Variants in DPYD observed in about 807,000 individuals in gnomAD.
The protein encoded by DPYD is dihydropyrimidine dehydrogenase [NADP(+)].
A neutral mutation model predicts 116.2 loss-of-function variants in DPYD; 109 were observed. The observed-to-expected ratio is 0.94, with a 90% CI of 0.80 to 1.10. DPYD has a LOEUF of 1.10. Among genes scored for constraint, DPYD ranks in the 50% least tolerant of loss-of-function variants. DPYD has a pLI of 0.00. For missense variants in DPYD, 1,302 were observed against 1,254.5 expected (o/e 1.04, Z -0.57); for synonymous variants, 440 against 432.0 (o/e 1.02, Z -0.23).
At chr1:97,764,062 A>C (rs553377339) in intron 3 of DPYD, among the ~76,000 whole-genome samples, 1 of 152,204 alleles carries the variant, frequency 6.6e-6, no homozygotes, top group South Asian at 2.1e-4. Context: ...TGTGGTGAGA[A>C]GGATGGCATG....
chr1:97,883,164 G>C (rs1254450373), intron 2 of DPYD, 100 bp downstream of exon 2: 2 of 740,454 alleles, frequency 2.7e-6, no homozygotes, highest in African/African-American at 3.5e-5. Flanking sequence ...AATCACGGCT[G>C]TACTTTAATA....
At chr1:97,219,013 T>A (rs567559468) in intron 19 of DPYD, among the ~76,000 whole-genome samples, 2 of 152,296 alleles carry the variant, frequency 1.3e-5, no homozygotes, top group East Asian at 3.9e-4. Context: ...TAAATTTGTT[T>A]TGAACCCTTT....
chr1:97,844,779 T>G (rs2101545517), intron 2 of DPYD, among the ~76,000 whole-genome samples: 1 of 152,310 alleles, frequency 6.6e-6, no homozygotes, highest in Admixed American at 6.5e-5. Context: ...GCTCCAGACC[T>G]GGGCAACCCT....
intron 2 of DPYD, among the ~76,000 whole-genome samples, chr1:97,848,042 T>C (rs1176345445): frequency 6.6e-6 from 1 of 152,224 alleles, no homozygotes; most frequent in African/African-American, 2.4e-5. Context: ...ATTTAAAATA[T>C]TAAAATATTC....
chr1:97,640,735 C>T (rs964857255), intron 8 of DPYD, among the ~76,000 whole-genome samples: 1 of 152,096 alleles, frequency 6.6e-6, no homozygotes, highest in Non-Finnish European at 1.5e-5. Context: ...CTGAGTTTTC[C>T]ACAACTGCTA....
intron 16 of DPYD, among the ~76,000 whole-genome samples, chr1:97,342,904 A>G (rs975630509): frequency 6.6e-6 from 1 of 152,108 alleles, no homozygotes; most frequent in African/African-American, 2.4e-5. Flanking sequence ...TGAGAAGAAC[A>G]ATTCAATTTA....
chr1:97,661,125 A>C (rs1659230807), intron 8 of DPYD, among the ~76,000 whole-genome samples: 1 of 152,200 alleles, frequency 6.6e-6, no homozygotes, highest in Non-Finnish European at 1.5e-5. Flanking sequence ...TAGAGGAGAA[A>C]TAATTTAGCA....
intron 8 of DPYD, among the ~76,000 whole-genome samples, chr1:97,617,091 G>A (rs1183660954): frequency 1.3e-5 from 2 of 152,210 alleles, no homozygotes; most frequent in African/African-American, 4.8e-5. Flanking sequence ...AGTCCAAGCT[G>A]CTAGGAAAAT....
rs188597648 is a variant in DPYD, at chr1:97,107,367, G to A, written c.2623-8735C>T. ...AAAGCAATGTTGGTGGACAACCTGG[G>A]AAGGGTAAAATGACTTAGTTTTACT... On this transcript the variant is annotated intron_variant, in intron 20 of 22. Coordinates refer to ENST00000370192, the MANE Select transcript of DPYD (RefSeq NM_000110.4). Among the ~76,000 whole-genome samples the A allele has an allele frequency of 3.1e-3, 465 of 152,216 alleles. 2 individuals are homozygous for A. Among genetic ancestry groups the A allele is most frequent in the Non-Finnish European group, 5.3e-3 (362 of 67,996 alleles).
At chr1:97,586,473 T>C (rs75879644) in intron 10 of DPYD, among the ~76,000 whole-genome samples, 1,505 of 19,678 alleles carry the variant, frequency 0.076, 10 homozygotes, top group Non-Finnish European at 0.11. Flanking sequence ...TACATATATA[T>C]ATATATATAT....
At chr1:97,692,092 A>G (rs562648398) in intron 6 of DPYD, among the ~76,000 whole-genome samples, 11 of 152,124 alleles carry the variant, frequency 7.2e-5, no homozygotes, top group Admixed American at 2.0e-4. Context: ...TAAGTTCAAT[A>G]AAGTATTTGG....
intron 8 of DPYD, among the ~76,000 whole-genome samples, chr1:97,633,456 A>G (rs1657389574): frequency 6.6e-6 from 1 of 152,100 alleles, no homozygotes; most frequent in Non-Finnish European, 1.5e-5. Flanking sequence ...TTTATTTTAA[A>G]ATGGGAACCT....
At chr1:97,449,439 G>C (rs937298663) in intron 14 of DPYD, among the ~76,000 whole-genome samples, 2 of 152,010 alleles carry the variant, frequency 1.3e-5, no homozygotes, top group African/African-American at 4.8e-5. Context: ...GTGGGAGAGG[G>C]AGGTGGGAGG....
At chr1:97,583,216 G>GC (rs1342917830) in intron 10 of DPYD, among the ~76,000 whole-genome samples, 1 of 152,060 alleles carries the variant, frequency 6.6e-6, no homozygotes, top group Admixed American at 6.5e-5. Flanking sequence ...TGATCCACCC[G>GC]CCCCGGCTTC....
intron 2 of DPYD, among the ~76,000 whole-genome samples, chr1:97,830,707 C>CAA (rs759967010): frequency 5.7e-5 from 6 of 105,730 alleles, no homozygotes; most frequent in East Asian, 2.7e-4. Flanking sequence ...GACTCCATCT[C>CAA]AAAAAAAAAA....
intron 14 of DPYD, among the ~76,000 whole-genome samples, chr1:97,398,820 G>A (rs1673172096): frequency 6.6e-6 from 1 of 152,050 alleles, no homozygotes; most frequent in Non-Finnish European, 1.5e-5. Context: ...GAATTTGTTT[G>A]AGTTCTTTGT....
intron 16 of DPYD, among the ~76,000 whole-genome samples, chr1:97,358,445 G>A (rs1205439776): frequency 6.6e-6 from 1 of 152,202 alleles, no homozygotes; most frequent in East Asian, 1.9e-4. Context: ...TCTGAAGAGA[G>A]CAGTGGTTCT....
At chr1:97,550,554 GA>G (rs1179712849) in intron 11 of DPYD, among the ~76,000 whole-genome samples, 1 of 152,144 alleles carries the variant, frequency 6.6e-6, no homozygotes, top group Non-Finnish European at 1.5e-5. Flanking sequence ...AGAAAGGGTT[GA>G]GTAAGAGAAG....
At chr1:97,710,466 C>A (rs1205983792) in intron 5 of DPYD, among the ~76,000 whole-genome samples, 1 of 151,790 alleles carries the variant, frequency 6.6e-6, no homozygotes, top group East Asian at 1.9e-4. Flanking sequence ...AAAGTGAGTA[C>A]TGTGTTTCAA....
Sources: allele counts gnomAD v4.1 joint callset (sites outside exome capture counted in the v4.1 genomes callset), GRCh38; gene constraint gnomAD v4.1.1; transcripts MANE v1.5; gene names NCBI Gene and HGNC (gene_info 2026-07-23, HGNC 2026-07-21).